DMD: variants seen among roughly 807,000 people sequenced by gnomAD.
The protein encoded by DMD is mutant dystrophin.
In DMD, 63 loss-of-function variants were observed where a neutral mutation model predicts 330.1. The ratio of observed to expected loss-of-function variants is 0.19; its 90% CI spans 0.16 to 0.24. DMD has a LOEUF of 0.24. Among genes scored for constraint, DMD ranks in the 10% least tolerant of loss-of-function variants. DMD has a pLI of 1.00. For missense variants in DMD, 3,344 were observed against 2,684.1 expected, an observed-to-expected ratio of 1.25 and a Z score of -5.43; for synonymous variants, 1,223 against 959.8, an observed-to-expected ratio of 1.27 and a Z score of -5.07.
chrX:32,345,473 G>A (rs963089710), intron 39 of DMD, among the ~76,000 whole-genome samples: 1 of 110,888 alleles, frequency 9.0e-6, no homozygotes, highest in African/African-American at 3.3e-5. Flanking sequence ...TTTCTTAAAG[G>A]CATAATAAAG....
intron 13 of DMD, among the ~76,000 whole-genome samples, chrX:32,594,946 A>G (rs1340806450): frequency 8.9e-6 from 1 of 111,738 alleles, no homozygotes. Flanking sequence ...AGTTATAGCA[A>G]GGGCTTTCTC....
intron 7 of DMD, among the ~76,000 whole-genome samples, chrX:32,749,953 T>C (rs754669976): frequency 1.2e-4 from 14 of 112,475 alleles, no homozygotes; most frequent in Admixed American, 1.9e-4. Flanking sequence ...TATTAAGACA[T>C]AGGTAGTTAT....
chrX:32,816,352 G>C, intron 6 of DMD, 116 bp downstream of exon 6: 1 of 796,929 alleles, frequency 1.3e-6, no homozygotes, highest in South Asian at 2.2e-5. Context: ...TGTGGTCAAT[G>C]TACATAACAT....
chrX:33,245,342 A>T (rs1482998285), intron 1 of DMD, among the ~76,000 whole-genome samples: 1 of 111,069 alleles, frequency 9.0e-6, no homozygotes, highest in African/African-American at 3.3e-5. Context: ...AAAAGCTGGG[A>T]GTTAATTGGA....
intron 44 of DMD, among the ~76,000 whole-genome samples, chrX:32,197,640 C>G (rs1413878635): frequency 9.0e-6 from 1 of 111,437 alleles, no homozygotes; most frequent in African/African-American, 3.3e-5. Flanking sequence ...CAGAAAATAT[C>G]TCATGGTTTC....
intron 4 of DMD, among the ~76,000 whole-genome samples, chrX:32,825,099 T>TAGTGA (rs1301389666): frequency 2.7e-5 from 3 of 111,799 alleles, no homozygotes; most frequent in Non-Finnish European, 5.6e-5. Context: ...TTCATGAAAC[T>TAGTGA]TAATTCTAGT....
intron 55 of DMD, among the ~76,000 whole-genome samples, chrX:31,511,975 C>T (rs2071655800): frequency 9.1e-6 from 1 of 109,818 alleles, no homozygotes; most frequent in African/African-American, 3.3e-5. Flanking sequence ...TCCTATTTCT[C>T]CACATCCTCT....
intron 54 of DMD, among the ~76,000 whole-genome samples, chrX:31,653,459 T>G (rs2148587832): frequency 9.0e-6 from 1 of 110,768 alleles, no homozygotes; most frequent in African/African-American, 3.3e-5. Flanking sequence ...GCTAAGGAAC[T>G]TCTAGGCATG....
chrX:32,823,265 C>CA, intron 5 of DMD, 30 bp downstream of exon 5: 1 of 1,122,620 alleles, frequency 8.9e-7, no homozygotes, highest in South Asian at 1.8e-5. Context: ...TAATGTTACC[C>CA]AAAAGGAAAC....
At chrX:33,002,643 T>C (rs1424420303) in intron 2 of DMD, among the ~76,000 whole-genome samples, 1 of 110,012 alleles carries the variant, frequency 9.1e-6, no homozygotes, top group Non-Finnish European at 1.9e-5. Flanking sequence ...TCAGTCTGAT[T>C]GGTTGGGAAC....
At chrX:32,462,765 G>A (rs1212431399) in intron 25 of DMD, among the ~76,000 whole-genome samples, 1 of 110,503 alleles carries the variant, frequency 9.0e-6, no homozygotes, top group Non-Finnish European at 1.9e-5. Context: ...AAACCAGCCT[G>A]GGAAACACAG....
intron 7 of DMD, among the ~76,000 whole-genome samples, chrX:32,734,940 A>C (rs2068235501): frequency 9.3e-6 from 1 of 108,056 alleles, no homozygotes; most frequent in Non-Finnish European, 1.9e-5. Flanking sequence ...GAAGGAAATA[A>C]AGGGTATTCA....
At chrX:32,271,225 G>T (rs914519207) in intron 43 of DMD, among the ~76,000 whole-genome samples, 2 of 111,649 alleles carry the variant, frequency 1.8e-5, no homozygotes, top group African/African-American at 6.5e-5. Context: ...AAGACAAACA[G>T]ACAAAATTTG....
chrX:32,498,671 A>G (rs2043740926), intron 19 of DMD, among the ~76,000 whole-genome samples: 1 of 111,948 alleles, frequency 8.9e-6, no homozygotes, highest in Non-Finnish European at 1.9e-5. Flanking sequence ...TATGGTTAAT[A>G]TTAACTGTTT....
At chrX:31,156,730 C>A (rs2038169733) in intron 74 of DMD, among the ~76,000 whole-genome samples, 1 of 111,979 alleles carries the variant, frequency 8.9e-6, no homozygotes, top group African/African-American at 3.2e-5. Flanking sequence ...ATATTATTTA[C>A]TTTTTGGATT....
chrX:31,455,532 C>G (rs2066096350), intron 59 of DMD, among the ~76,000 whole-genome samples: 1 of 112,114 alleles, frequency 8.9e-6, no homozygotes, highest in Non-Finnish European at 1.9e-5. Context: ...TATTGTCAGA[C>G]TGCTTCGTAA....
chrX:32,182,902 C>T (rs2096932271), intron 44 of DMD, among the ~76,000 whole-genome samples: 1 of 111,460 alleles, frequency 9.0e-6, no homozygotes, highest in Admixed American at 9.6e-5. Context: ...TTTTGTGTAG[C>T]TTTCTTCCCA....
intron 76 of DMD, among the ~76,000 whole-genome samples, chrX:31,136,931 A>G (rs186063260): frequency 7.0e-4 from 79 of 112,580 alleles, no homozygotes; most frequent in Non-Finnish European, 2.6e-4. Context: ...TCTAGGTAGT[A>G]TAAAAACAAG....
chrX:32,178,830 G>GTGTGTGTGTGTGTGTGTGTGTGTGTGTGT (rs1569549001), intron 44 of DMD, among the ~76,000 whole-genome samples: 2 of 99,174 alleles, frequency 2.0e-5, no homozygotes, highest in African/African-American at 7.6e-5. Context: ...TATTCCAGGG[G>GTGTGTGTGTGTGTGTGTGTGTGTGTGTGT]GTGTGTGTGT....
Sources: gnomAD v4.1 joint callset for allele counts (sites outside exome capture counted in the v4.1 genomes callset) on GRCh38, gnomAD v4.1.1 for gene constraint, MANE v1.5 for transcripts, NCBI Gene and HGNC (gene_info 2026-07-23, HGNC 2026-07-21) for gene names.